ATP9B: variants seen among roughly 807,000 people sequenced by gnomAD.
ATP9B encodes the protein probable phospholipid-transporting ATPase IIB.
A neutral mutation model predicts 146.1 loss-of-function variants in ATP9B; 110 were observed. The ratio of observed to expected loss-of-function variants is 0.75; its 90% CI spans 0.65 to 0.88. The LOEUF is 0.88. Among genes scored for constraint, ATP9B ranks in the 40% least tolerant of loss-of-function variants. ATP9B has a pLI of 0.00. For synonymous variants in ATP9B, 604 were observed against 569.7 expected (o/e 1.06, Z -0.86); for missense variants, 1,499 against 1,496.4 (o/e 1.00, Z -0.03).
chr18:79,100,646 T>C (rs966070701), intron 2 of ATP9B, among the ~76,000 whole-genome samples: 2 of 152,216 alleles, frequency 1.3e-5, no homozygotes, highest in South Asian at 4.1e-4. Context: ...ATTGCAAAAA[T>C]AGTATAGAGG....
chr18:79,305,166 C>T (rs1373564662), intron 14 of ATP9B, among the ~76,000 whole-genome samples: 1 of 152,220 alleles, frequency 6.6e-6, no homozygotes, highest in Non-Finnish European at 1.5e-5. Flanking sequence ...TTTGTATTTA[C>T]AGTAATTTGT....
chr18:79,191,921 T>C (rs947912432), intron 8 of ATP9B, among the ~76,000 whole-genome samples: 1 of 152,214 alleles, frequency 6.6e-6, no homozygotes, highest in African/African-American at 2.4e-5. Context: ...GGATTCAGGA[T>C]TCTGTTAGGT....
chr18:79,316,216 A>G (rs1255689333), intron 15 of ATP9B, among the ~76,000 whole-genome samples: 1 of 152,228 alleles, frequency 6.6e-6, no homozygotes, highest in Non-Finnish European at 1.5e-5. Flanking sequence ...GACTGAGTAA[A>G]GAAAAATCTA....
At chr18:79,303,098 G>A (rs1383776460) in intron 13 of ATP9B, among the ~76,000 whole-genome samples, 4 of 152,184 alleles carry the variant, frequency 2.6e-5, no homozygotes, top group African/African-American at 9.7e-5. Context: ...TAGAGGCTGC[G>A]TGTGCAGTGG....
intron 7 of ATP9B, among the ~76,000 whole-genome samples, chr18:79,157,796 AGTT>A (rs1208348705): frequency 5.3e-5 from 8 of 152,242 alleles, no homozygotes; most frequent in Middle Eastern, 3.4e-3. Flanking sequence ...GCGGCCGTGC[AGTT>A]GTTTTTAGGA....
chr18:79,334,141 A>G (rs1023434426), intron 17 of ATP9B, among the ~76,000 whole-genome samples: 2 of 152,154 alleles, frequency 1.3e-5, no homozygotes, highest in African/African-American at 4.8e-5. Flanking sequence ...GCAGATGATG[A>G]GGTCAGGAGA....
rs993395826 is a variant in ATP9B at position 79,375,792 on chromosome 18, A to G, written c.3307+366A>G. On this transcript the variant is annotated intron_variant, in intron 29 of 29. Transcript: ENST00000426216. ...CACACAAACTTAGGAATTCCCCTTCATACAGAGATCCAGCGCTTCCCTGTG... is the reference window on the plus strand; with the variant it reads ...CACACAAACTTAGGAATTCCCCTTCGTACAGAGATCCAGCGCTTCCCTGTG... The G allele has an allele frequency of 1.2e-5, 12 of 985,458 alleles. No homozygotes were observed. The African/African-American group carries it at 1.9e-4, about 16-fold the overall frequency. 61.0% of individuals were successfully genotyped at this position (985,458 alleles called of 1,614,324 possible). A position where few individuals can be genotyped will look rare whatever the true frequency, so the allele number is the denominator to read the frequency against.
chr18:79,236,151 T>C (rs1482687444), intron 11 of ATP9B, among the ~76,000 whole-genome samples: 3 of 152,230 alleles, frequency 2.0e-5, no homozygotes, highest in Non-Finnish European at 4.4e-5. Flanking sequence ...TCCACACTTG[T>C]AGTGTCTATC....
At chr18:79,236,810 C>A (rs376475149) in intron 11 of ATP9B, among the ~76,000 whole-genome samples, 2 of 144,006 alleles carry the variant, frequency 1.4e-5, no homozygotes, top group South Asian at 4.7e-4. Context: ...TGTACACGGT[C>A]CGTGCACGAG....
chr18:79,190,463 T>G (rs866742021), intron 8 of ATP9B, among the ~76,000 whole-genome samples: 2 of 151,984 alleles, frequency 1.3e-5, no homozygotes, highest in East Asian at 3.9e-4. Context: ...CTTTTTAATA[T>G]GTAGTATATC....
intron 11 of ATP9B, among the ~76,000 whole-genome samples, chr18:79,247,337 G>T (rs758982890): frequency 1.4e-4 from 22 of 152,196 alleles, no homozygotes; most frequent in Admixed American, 9.2e-4. Flanking sequence ...GTTCAGAGAT[G>T]ATGCTACTTT....
At chr18:79,226,869 T>A (rs951141080) in intron 11 of ATP9B, among the ~76,000 whole-genome samples, 1 of 152,208 alleles carries the variant, frequency 6.6e-6, no homozygotes, top group Admixed American at 6.5e-5. Context: ...ACACCCGCTG[T>A]GTGTTGGGCC....
chr18:79,080,799 A>G (rs2073166330), intron 1 of ATP9B, among the ~76,000 whole-genome samples: 1 of 152,178 alleles, frequency 6.6e-6, no homozygotes, highest in South Asian at 2.1e-4. Context: ...CATTCCATCA[A>G]TACCTACTTT....
At chr18:79,368,890 TC>T (rs994745386) in intron 26 of ATP9B, among the ~76,000 whole-genome samples, 2 of 151,814 alleles carry the variant, frequency 1.3e-5, no homozygotes, top group Non-Finnish European at 2.9e-5. Flanking sequence ...AGCCCACACT[TC>T]CTCCCCAGCT....
intron 11 of ATP9B, among the ~76,000 whole-genome samples, chr18:79,233,028 A>G (rs2095806578): frequency 6.6e-6 from 1 of 152,212 alleles, no homozygotes; most frequent in Non-Finnish European, 1.5e-5. Context: ...ACGGTGGCTC[A>G]CGCCTATAAT....
At position 79,069,536 on chromosome 18, in the gene ATP9B, G is replaced by C. The variant is rs1046296600; in HGVS notation, c.119+7G>C. On this transcript the variant is annotated splice_region_variant and intron_variant, in intron 1 of 29. Coordinates refer to ENST00000426216, the MANE Select transcript of ATP9B (RefSeq NM_198531.5). ...GAGCCGACCGGCACAGCAGGTAACC[G>C]AGGCGGCACTGGCCCCGTTCCCCGC... 7.4e-7 allele frequency: 1 copy of C among 1,349,076 alleles called. No homozygotes were observed. The highest frequency in any genetic ancestry group is 1.6e-5 in the African/African-American group (1 of 63,184). 83.6% of individuals were successfully genotyped at this position (1,349,076 alleles called of 1,614,324 possible). A position where few individuals can be genotyped will look rare whatever the true frequency, so the allele number is the denominator to read the frequency against.
chr18:79,356,778 C>T (rs554794531), intron 25 of ATP9B, among the ~76,000 whole-genome samples: 6 of 145,968 alleles, frequency 4.1e-5, no homozygotes, highest in Non-Finnish European at 7.6e-5. Flanking sequence ...GCAGAGCAGC[C>T]GCAGGAGGGA....
At chr18:79,234,447 A>G (rs903214521) in intron 11 of ATP9B, among the ~76,000 whole-genome samples, 1 of 152,162 alleles carries the variant, frequency 6.6e-6, no homozygotes, top group Non-Finnish European at 1.5e-5. Context: ...CTTTGCATTC[A>G]TCTGTCATGT....
chr18:79,331,094 A>G (rs937774428), intron 17 of ATP9B, among the ~76,000 whole-genome samples: 2 of 152,344 alleles, frequency 1.3e-5, no homozygotes, highest in Non-Finnish European at 2.9e-5. Flanking sequence ...ATAAATCAGT[A>G]GTTGGATTTC....
Sources: allele counts gnomAD v4.1 joint callset (sites outside exome capture counted in the v4.1 genomes callset), GRCh38; gene constraint gnomAD v4.1.1; transcripts MANE v1.5; gene names NCBI Gene and HGNC (gene_info 2026-07-23, HGNC 2026-07-21).